The following MTUS2 variants were observed in gnomAD, a reference collection of about 807,000 sequenced individuals.
MTUS2 encodes microtubule-associated tumor suppressor candidate 2.
MTUS2 carries 40 observed loss-of-function variants against 114.1 expected under a neutral mutation model. The observed-to-expected ratio is 0.35, with a 90% CI of 0.27 to 0.46. The LOEUF is 0.46. Among genes scored for constraint, MTUS2 ranks in the 20% least tolerant of loss-of-function variants. MTUS2 has a pLI of 1.00. For synonymous variants in MTUS2, 688 were observed against 672.0 expected, an observed-to-expected ratio of 1.02 and a Z score of -0.37; for missense variants, 1,679 against 1,705.4, an observed-to-expected ratio of 0.98 and a Z score of 0.27.
rs139986154 is a variant in MTUS2 at position 28,895,293 on chromosome 13, G to A, written c.-243+55443G>A. Among the ~76,000 whole-genome samples, 416 of 152,258 alleles carry A rather than the reference G, an allele frequency of 2.7e-3. 2 individuals are homozygous for A. The highest frequency in any genetic ancestry group is 9.4e-3 in the African/African-American group (392 of 41,546). On this transcript the variant is annotated intron_variant, in intron 2 of 15. Transcript: ENST00000612955. ...GTCCTCTAAGCATTTTATTGTACTA[G>A]GCTGATATAGTGGCAGTATTTCATG... is the stretch of plus-strand genomic sequence containing the variant.
At chr13:29,278,865 A>G (rs1385459727) in intron 5 of MTUS2, among the ~76,000 whole-genome samples, 1 of 152,172 alleles carries the variant, frequency 6.6e-6, no homozygotes, top group East Asian at 1.9e-4. Flanking sequence ...CTTTCATCCT[A>G]CAGGTATTAT....
intron 2 of MTUS2, among the ~76,000 whole-genome samples, chr13:28,956,057 C>CA (rs1371214976): frequency 6.8e-6 from 1 of 146,008 alleles, no homozygotes; most frequent in Admixed American, 6.9e-5. Context: ...GTCTCTTGCC[C>CA]CCCCCCATCC....
intron 2 of MTUS2, among the ~76,000 whole-genome samples, chr13:28,843,510 A>G (rs1476728814): frequency 2.0e-5 from 3 of 152,164 alleles, no homozygotes; most frequent in African/African-American, 7.2e-5. Context: ...GACCAAACAC[A>G]TGTTAATATT....
rs1388682891 is a variant in MTUS2, at chr13:29,462,976, C to G, written c.3185-17174C>G. Among the ~76,000 whole-genome samples the G allele has an allele frequency of 3.3e-5, 5 of 152,028 alleles. No homozygotes were observed. The East Asian group carries it at 7.7e-4, about 23-fold the overall frequency. On this transcript the variant is annotated intron_variant, in intron 9 of 15. Coordinates refer to ENST00000612955, the MANE Select transcript of MTUS2 (RefSeq NM_001033602.4). ...TTGCAGGTATGATTAACTCAAGGATCTTGAGATGGGGAGAGTATCCTTTGG... is the reference window on the plus strand; with the variant it reads ...TTGCAGGTATGATTAACTCAAGGATGTTGAGATGGGGAGAGTATCCTTTGG...
chr13:29,471,214 G>A (rs575190450), intron 9 of MTUS2, among the ~76,000 whole-genome samples: 6 of 151,944 alleles, frequency 3.9e-5, no homozygotes, highest in African/African-American at 7.2e-5. Context: ...TTGGTGGCGC[G>A]TGCCTGTAAT....
At chr13:29,316,969 A>G (rs1187419609) in intron 6 of MTUS2, among the ~76,000 whole-genome samples, 3 of 152,230 alleles carry the variant, frequency 2.0e-5, no homozygotes, top group Admixed American at 6.5e-5. Flanking sequence ...TGAATTGATC[A>G]GTGAATTTAT....
intron 6 of MTUS2, among the ~76,000 whole-genome samples, chr13:29,301,632 AT>A (rs764480694): frequency 6.6e-6 from 1 of 152,204 alleles, no homozygotes; most frequent in Non-Finnish European, 1.5e-5. Context: ...TGTGACCCTG[AT>A]TCAATTATTT....
At chr13:29,494,702 T>C (rs1882411692) in intron 12 of MTUS2, among the ~76,000 whole-genome samples, 1 of 152,058 alleles carries the variant, frequency 6.6e-6, no homozygotes, top group South Asian at 2.1e-4. Flanking sequence ...TGCACCGGCA[T>C]TTGCATTTCA....
Position 28,977,991 on chromosome 13 carries a change from A to G in MTUS2, c.-242-46466A>G, listed in dbSNP as rs368282943. Among the ~76,000 whole-genome samples, 109 of 152,312 alleles carry G rather than the reference A, an allele frequency of 7.2e-4. 2 individuals carry two copies. In the South Asian group the frequency reaches 0.015, roughly 21 times the overall value. Reference sequence around the variant, plus strand: ...CCTGCAAGAGATTTGTAGCCATGCCATGGTCACAAAGATAGAAAAATGACT... The same window carrying G: ...CCTGCAAGAGATTTGTAGCCATGCCGTGGTCACAAAGATAGAAAAATGACT... On this transcript the variant is annotated intron_variant, in intron 2 of 15. Coordinates refer to ENST00000612955, the MANE Select transcript of MTUS2 (RefSeq NM_001033602.4).
chr13:29,497,194 G>A lies in MTUS2; in HGVS notation c.3580-44G>A, dbSNP rs1235223530. The A allele has an allele frequency of 1.9e-6, 3 of 1,558,328 alleles. No homozygotes were observed. In the Admixed American group the frequency reaches 5.0e-5, roughly 26 times the overall value. Reference sequence around the variant, plus strand: ...AGCTGCCCAGGCTGTGGTGGCTGCTGTCTGTAGTGGCCCCAGCTGGACTCC... The same window carrying A: ...AGCTGCCCAGGCTGTGGTGGCTGCTATCTGTAGTGGCCCCAGCTGGACTCC... On this transcript the variant is annotated intron_variant, in intron 12 of 15. Transcript: ENST00000612955.
intron 2 of MTUS2, among the ~76,000 whole-genome samples, chr13:28,891,858 CAAAAAAAAAAAAAAA>C (rs1169875500): frequency 5.7e-5 from 3 of 52,184 alleles, no homozygotes; most frequent in African/African-American, 2.1e-4. Context: ...GACTCTGTCT[CAAAAAAAAAAAAAAA>C]AAAAAAAAAG....
At position 29,271,663 on chromosome 13, in the gene MTUS2, T is replaced by C. The variant is rs373647269; in HGVS notation, c.2645-10041T>C. 3.9e-5 allele frequency among the ~76,000 whole-genome samples: 6 copies of C among 152,358 alleles called. No homozygotes were observed. In the East Asian group the frequency reaches 9.6e-4, roughly 24 times the overall value. On this transcript the variant is annotated intron_variant, in intron 5 of 15. Transcript: ENST00000612955. ...AGCAGCTCGTGTGTTCATCAGTGAT[T>C]TGCCAAGTGCGGGTTTATAACAATA...
intron 2 of MTUS2, among the ~76,000 whole-genome samples, chr13:28,975,066 C>G (rs571625477): frequency 6.6e-6 from 1 of 152,290 alleles, no homozygotes; most frequent in East Asian, 1.9e-4. Flanking sequence ...GGTATTTGAT[C>G]AAGCCCAGGA....
intron 5 of MTUS2, among the ~76,000 whole-genome samples, chr13:29,221,823 G>GT (rs1444630686): frequency 6.6e-6 from 1 of 151,750 alleles, no homozygotes; most frequent in African/African-American, 2.4e-5. Context: ...CCTTACCTGT[G>GT]TTTTTTTCCC....
intron 2 of MTUS2, among the ~76,000 whole-genome samples, chr13:28,859,969 T>C (rs1357086362): frequency 6.6e-6 from 1 of 152,134 alleles, no homozygotes; most frequent in Non-Finnish European, 1.5e-5. Context: ...TGCAGAACCT[T>C]GTGCTTGGGT....
chr13:28,867,775 C>T (rs1480937985), intron 2 of MTUS2, among the ~76,000 whole-genome samples: 5 of 152,144 alleles, frequency 3.3e-5, no homozygotes, highest in Non-Finnish European at 5.9e-5. Flanking sequence ...ACCTGCATCC[C>T]GTGCCTACTG....
chr13:29,138,976 G>A (rs1390803458), intron 5 of MTUS2, among the ~76,000 whole-genome samples: 1 of 150,956 alleles, frequency 6.6e-6, no homozygotes, highest in Non-Finnish European at 1.5e-5. Flanking sequence ...TCTCCCCTTT[G>A]CCCCCAGTGA....
At chr13:29,284,616 C>T (rs1898404165) in intron 6 of MTUS2, among the ~76,000 whole-genome samples, 1 of 152,102 alleles carries the variant, frequency 6.6e-6, no homozygotes, top group Admixed American at 6.5e-5. Flanking sequence ...CCGTTGATGG[C>T]ATAACCACAC....
chr13:29,307,191 G>T lies in MTUS2; in HGVS notation c.2807-17422G>T, dbSNP rs1030146692. On this transcript the variant is annotated intron_variant, in intron 6 of 15. Transcript: ENST00000612955. ...TGTTCGTGATGGGCGTGACCCATGAGAATTATGACAGCAGCCTCAAGATCA... is the reference window on the plus strand; with the variant it reads ...TGTTCGTGATGGGCGTGACCCATGATAATTATGACAGCAGCCTCAAGATCA... 7.5e-6 allele frequency: 4 copies of T among 531,604 alleles called. No individual in the cohort carries two copies. In the African/African-American group the frequency reaches 7.6e-5, roughly 10 times the overall value. The allele number at this position is 531,604 out of a possible 1,614,324, so 32.9% of individuals were successfully genotyped here.
Sources: allele counts gnomAD v4.1 joint callset (sites outside exome capture counted in the v4.1 genomes callset), GRCh38; gene constraint gnomAD v4.1.1; transcripts MANE v1.5; gene names NCBI Gene and HGNC (gene_info 2026-07-23, HGNC 2026-07-21).